NPC1: variants seen among roughly 807,000 people sequenced by gnomAD.
NPC1 encodes NPC intracellular cholesterol transporter 1, also known as Niemann-Pick C1 protein.
In NPC1, 85 loss-of-function variants were observed where a neutral mutation model predicts 140.4. The ratio of observed to expected loss-of-function variants is 0.61; its 90% confidence interval spans 0.51 to 0.72. The LOEUF (loss-of-function observed/expected upper bound fraction) is 0.72. Among genes scored for constraint, NPC1 ranks in the 30% least tolerant of loss-of-function variants. NPC1 has a pLI of 0.00. For synonymous variants in NPC1, 656 were observed against 624.8 expected, an observed-to-expected ratio of 1.05 and a Z score of -0.74; for missense variants, 1,504 against 1,623.8, an observed-to-expected ratio of 0.93 and a Z score of 1.27.
chr18:23,577,452 T>A (rs7230302), intron 1 of NPC1, among the ~76,000 whole-genome samples: 7,797 of 77,552 alleles, frequency 0.1, no homozygotes, highest in East Asian at 0.22. Flanking sequence ...TGTTGATTGG[T>A]GCACTCACAA....
chr18:23,570,539 GA>G (rs1377158930), intron 3 of NPC1, among the ~76,000 whole-genome samples: 1 of 152,212 alleles, frequency 6.6e-6, no homozygotes, highest in Admixed American at 6.5e-5. Flanking sequence ...CTTTTGGTAA[GA>G]AGCAGAATTT....
intron 4 of NPC1, among the ~76,000 whole-genome samples, chr18:23,563,987 G>GTTTTTTTTTTTTTT (rs71163619): frequency 2.9e-5 from 3 of 102,600 alleles, no homozygotes; most frequent in African/African-American, 8.1e-5. Context: ...AGTAGTAAGA[G>GTTTTTTTTTTTTTT]TTTTTTTTTT....
chr18:23,574,453 A>G (rs565623077), intron 1 of NPC1, among the ~76,000 whole-genome samples: 73 of 152,270 alleles, frequency 4.8e-4, no homozygotes, highest in African/African-American at 1.6e-3. Context: ...CATAAAAAAA[A>G]AACAAATCTG....
chr18:23,533,171 G>A, intron 24 of NPC1, 184 bp downstream of exon 24: 2 of 716,954 alleles, frequency 2.8e-6, no homozygotes, highest in Non-Finnish European at 4.5e-6. Context: ...AAAGTAGTCT[G>A]CACCATCATG....
intron 4 of NPC1, among the ~76,000 whole-genome samples, chr18:23,565,837 T>C (rs915586781): frequency 6.6e-6 from 1 of 152,092 alleles, no homozygotes; most frequent in African/African-American, 2.4e-5. Context: ...CTCTGGAAAA[T>C]CCTCATTATC....
chr18:23,579,067 T>C lies in NPC1; in HGVS notation c.58-5493A>G, dbSNP rs563187942. Among the ~76,000 whole-genome samples the C allele has an allele frequency of 2.8e-4, 43 of 152,306 alleles. No homozygotes were observed. In the South Asian group the frequency reaches 8.7e-3, roughly 31 times the overall value. ...GACACCTCACTCTGGCTCTGCCCAC[T>C]CTCCTTTCTACAGTATTCCAAACCT... On this transcript the variant is annotated intron_variant, in intron 1 of 24. Coordinates refer to ENST00000269228, the MANE Select transcript of NPC1 (RefSeq NM_000271.5).
chr18:23,561,464 A>C lies in NPC1; in HGVS notation c.527T>G (p.Leu176Arg). Residue 176 changes from leucine to arginine, a missense_variant, in exon 5 of 25, where the codon CTG (leucine) becomes CGG (arginine). Coordinates refer to ENST00000269228, the MANE Select transcript of NPC1 (RefSeq NM_000271.5). ...ACAGGCGTCAGCGTCCTTCCCACAC[A>C]GGAGTCCCAGGGCCTTGTCATTACT... ...PSSNDKALGLLCGKDADACNA... is the reference protein window; with the variant it reads ...PSSNDKALGLRCGKDADACNA... 1 of 1,614,156 alleles carries C rather than the reference A, an allele frequency of 6.2e-7. No individual in the cohort carries two copies. Among genetic ancestry groups the C allele is most frequent in the Non-Finnish European group, 8.5e-7 (1 of 1,179,996 alleles).
downstream of NPC1, chr18:23,519,178 C>T: frequency 6.2e-7 from 1 of 1,611,372 alleles, no homozygotes; most frequent in Non-Finnish European, 8.5e-7. Context: ...TACAGAGGTA[C>T]AAGCTGTCTG....
At chr18:23,564,623 TTCTTG>T (rs1428812135) in intron 4 of NPC1, among the ~76,000 whole-genome samples, 32 of 152,312 alleles carry the variant, frequency 2.1e-4, no homozygotes, top group Admixed American at 4.6e-4. Context: ...GTGCCCGGCC[TTCTTG>T]TCTTTTCTTG....
In NPC1 at chr18:23,533,392, G is replaced by T; in HGVS notation, c.3717C>A (p.His1239Gln). 6.2e-7 allele frequency: 1 copy of T among 1,614,062 alleles called. No individual in the cohort carries two copies. Among genetic ancestry groups the T allele is most frequent in the South Asian group, 1.1e-5 (1 of 91,072 alleles). Residue 1239 changes from histidine (H) to glutamine (Q), a missense_variant, in exon 24 of 25, where the codon CAC (histidine) becomes CAA (glutamine). Coordinates refer to ENST00000269228, the MANE Select transcript of NPC1 (RefSeq NM_000271.5). ...YLAMVLLGAT[H>Q]GLIFLPVLLS... ...GTAAGACAGGGAGAAATATTAATCC[G>T]TGAGTGGCTCCCAGTAAGACCATGG...
chr18:23,509,984 CTT>C (rs71163612), intron 3 of NPC1, among the ~76,000 whole-genome samples: 67 of 122,038 alleles, frequency 5.5e-4, no homozygotes, highest in Non-Finnish European at 7.8e-4. Context: ...GGATTTTATT[CTT>C]TTTTTTTTTT....
chr18:23,576,037 G>A (rs1046005276), intron 1 of NPC1, among the ~76,000 whole-genome samples: 12 of 152,094 alleles, frequency 7.9e-5, no homozygotes, highest in African/African-American at 2.2e-4. Context: ...CAGCCTGACC[G>A]ACATGGAGAA....
rs562456623 is a variant in NPC1, at chr18:23,577,819, G to C, written c.58-4245C>G. Among the ~76,000 whole-genome samples, 9 of 152,378 alleles carry C rather than the reference G, an allele frequency of 5.9e-5. No homozygotes were observed. The South Asian group carries it at 1.2e-3, about 21-fold the overall frequency. ...CCAGCGAGAAATCGAGCGCAGCGCC[G>C]GTGGGCCGGCACTGCTGGGGGGACC... On this transcript the variant is annotated intron_variant, in intron 1 of 24. Coordinates refer to ENST00000269228, the MANE Select transcript of NPC1 (RefSeq NM_000271.5).
At chr18:23,564,936 T>C (rs1396778743) in intron 4 of NPC1, among the ~76,000 whole-genome samples, 2 of 152,234 alleles carry the variant, frequency 1.3e-5, no homozygotes, top group Non-Finnish European at 2.9e-5. Context: ...TGAAGAGTAT[T>C]CTTTTCTCAT....
At chr18:23,515,645 G>A (rs2057981978) in intron 3 of NPC1, among the ~76,000 whole-genome samples, 1 of 152,138 alleles carries the variant, frequency 6.6e-6, no homozygotes. Flanking sequence ...CAATTCTTGT[G>A]CCTCAGCCTT....
chr18:23,582,571 G>A (rs1712039002), intron 1 of NPC1, among the ~76,000 whole-genome samples: 1 of 152,112 alleles, frequency 6.6e-6, no homozygotes, highest in South Asian at 2.1e-4. Context: ...GGAGGCGGAG[G>A]TGGATGGTAT....
At chr18:23,570,363 TACGG>T (rs1267633716) in intron 3 of NPC1, among the ~76,000 whole-genome samples, 3 of 152,252 alleles carry the variant, frequency 2.0e-5, no homozygotes, top group Non-Finnish European at 4.4e-5. Flanking sequence ...ATGCCTCACC[TACGG>T]TGGATCCTAA....
chr18:23,568,967 G>A lies in NPC1; in HGVS notation c.319C>T (p.Leu107=), dbSNP rs1401599780. 2 of 1,613,680 alleles carry A rather than the reference G, an allele frequency of 1.2e-6. No individual in the cohort carries two copies. The highest frequency in any genetic ancestry group is 1.1e-5 in the South Asian group (1 of 91,074). ...GGGCTACATGTCAGCTCACAAAACA[G>A]GTTCAGTAGGTTATAAAAACAGGAT... ...CPSCFYNLLN[L]FCELTCSPRQ... The change falls in exon 4 of 25, where the codon CTG becomes TTG. Residue 107 remains leucine (L), a synonymous_variant. Coordinates refer to ENST00000269228, the MANE Select transcript of NPC1 (RefSeq NM_000271.5).
Position 23,566,437 on chromosome 18 carries a change from C to A in NPC1, c.463+2386G>T, listed in dbSNP as rs1443996908. The stretch of plus-strand genomic sequence containing the variant: ...AACTGGCTATGGCATAATTTAAAAA[C>A]TAAATAAAAATAATAATGCACTATA... On this transcript the variant is annotated intron_variant, in intron 4 of 24. Coordinates refer to ENST00000269228, the MANE Select transcript of NPC1 (RefSeq NM_000271.5). Among the ~76,000 whole-genome samples, 4 of 152,078 alleles carry A rather than the reference C, an allele frequency of 2.6e-5. No homozygotes were observed. The East Asian group carries it at 7.7e-4, about 29-fold the overall frequency.
Sources: gnomAD v4.1 joint callset for allele counts (sites outside exome capture counted in the v4.1 genomes callset) on GRCh38, gnomAD v4.1.1 for gene constraint, MANE v1.5 for transcripts, NCBI Gene and HGNC (gene_info 2026-07-23, HGNC 2026-07-21) for gene names.